Variants in AKAP6 observed in about 807,000 individuals in gnomAD.
AKAP6 encodes the protein A-kinase anchor protein 6.
A neutral mutation model predicts 188.5 loss-of-function variants in AKAP6; 58 were observed. That is an observed-to-expected ratio of 0.31 (90% confidence interval 0.25 to 0.38). The LOEUF (loss-of-function observed/expected upper bound fraction) is 0.38, where lower values mean the gene tolerates loss of function less well. Among genes scored for constraint, AKAP6 ranks in the 10% least tolerant of loss-of-function variants. The probability of loss-of-function intolerance (pLI) is 1.00; values close to 1 mark genes in which losing one functional copy is unlikely to be tolerated. For missense variants in AKAP6, 2,710 were observed against 2,740.0 expected, an observed-to-expected ratio of 0.99 and a Z score of 0.24; for synonymous variants, 989 against 998.6, an observed-to-expected ratio of 0.99 and a Z score of 0.18.
At chr14:32,738,881 A>G (rs2031553227) in intron 11 of AKAP6, among the ~76,000 whole-genome samples, 1 of 152,194 alleles carries the variant, frequency 6.6e-6, no homozygotes. Flanking sequence ...ATCTAAATGA[A>G]TAAGTATGGC....
chr14:32,335,594 C>T (rs987610305), intron 1 of AKAP6, among the ~76,000 whole-genome samples: 4 of 152,156 alleles, frequency 2.6e-5, no homozygotes, highest in African/African-American at 9.7e-5. Context: ...GGATATATTA[C>T]ATTATACTTG....
At chr14:32,596,119 G>A (rs1280342617) in intron 5 of AKAP6, among the ~76,000 whole-genome samples, 2 of 152,116 alleles carry the variant, frequency 1.3e-5, no homozygotes, top group East Asian at 1.9e-4. Context: ...GTCTGTGTTC[G>A]TGATTTGATA....
chr14:32,744,698 C>T (rs1256056862), intron 11 of AKAP6, among the ~76,000 whole-genome samples: 1 of 152,130 alleles, frequency 6.6e-6, no homozygotes, highest in Non-Finnish European at 1.5e-5. Flanking sequence ...TTTGAATGAA[C>T]TTTCTATTCC....
At chr14:32,678,487 A>G in intron 8 of AKAP6, 28 bp downstream of exon 8, 1 of 1,610,980 alleles carries the variant, frequency 6.2e-7, no homozygotes, top group Non-Finnish European at 8.5e-7. Context: ...TTGTTGTTTT[A>G]TTCTCACTAA....
intron 1 of AKAP6, among the ~76,000 whole-genome samples, chr14:32,352,020 A>G (rs1887289352): frequency 6.6e-6 from 1 of 151,810 alleles, no homozygotes. Context: ...TGTAGAAGCT[A>G]TAGAGAGTTT....
chr14:32,637,307 A>G (rs1264433388), intron 7 of AKAP6, among the ~76,000 whole-genome samples: 1 of 152,118 alleles, frequency 6.6e-6, no homozygotes, highest in Non-Finnish European at 1.5e-5. Flanking sequence ...AGTGAATAGC[A>G]TTATATTCTG....
At chr14:32,715,906 C>T (rs560922953) in intron 9 of AKAP6, among the ~76,000 whole-genome samples, 10 of 151,808 alleles carry the variant, frequency 6.6e-5, no homozygotes, top group African/African-American at 1.9e-4. Flanking sequence ...TCTTAGCATG[C>T]AACTCTGCAT....
rs1950211 is a variant in AKAP6 at position 32,803,088 on chromosome 14, T to C, written c.3589-18314T>C. ...CTGGGCAACAGAGTGAGTCTCTGTCTTAAAAAAGATTTTTTAGATCTGTCT... is the reference window on the plus strand; with the variant it reads ...CTGGGCAACAGAGTGAGTCTCTGTCCTAAAAAAGATTTTTTAGATCTGTCT... On this transcript the variant is annotated intron_variant, in intron 12 of 13. Coordinates refer to ENST00000280979, the MANE Select transcript of AKAP6 (RefSeq NM_004274.5). 4.9e-3 allele frequency among the ~76,000 whole-genome samples: 751 copies of C among 152,222 alleles called. 2 individuals are homozygous for C. The highest frequency in any genetic ancestry group is 0.017 in the Middle Eastern group (5 of 294).
chr14:32,786,298 CTTTTTTTTTT>C (rs1162974012), intron 12 of AKAP6, among the ~76,000 whole-genome samples: 6 of 82,560 alleles, frequency 7.3e-5, no homozygotes, highest in East Asian at 4.6e-4. Flanking sequence ...AAACCTTTAT[CTTTTTTTTTT>C]TTTTTTTTTT....
At chr14:32,393,579 GT>G (rs1407009971) in intron 1 of AKAP6, among the ~76,000 whole-genome samples, 3 of 152,138 alleles carry the variant, frequency 2.0e-5, no homozygotes, top group African/African-American at 7.2e-5. Context: ...GACAAGTACT[GT>G]GGTTGTATAA....
intron 13 of AKAP6, 96 bp from the exon 14 acceptor site, chr14:32,829,752 C>A: frequency 1.7e-6 from 1 of 574,738 alleles, no homozygotes; most frequent in East Asian, 2.9e-5. Flanking sequence ...AGTAGTCCCA[C>A]AATTGCAGCC....
At chr14:32,647,560 G>A (rs1888035676) in intron 7 of AKAP6, among the ~76,000 whole-genome samples, 1 of 152,036 alleles carries the variant, frequency 6.6e-6, no homozygotes, top group South Asian at 2.1e-4. Context: ...CAGCTTTTAA[G>A]TGCAGCTGTC....
intron 1 of AKAP6, among the ~76,000 whole-genome samples, chr14:32,422,599 C>T (rs1889887907): frequency 6.6e-6 from 1 of 152,178 alleles, no homozygotes; most frequent in South Asian, 2.1e-4. Context: ...ATTACATAGG[C>T]ATGATTGATT....
chr14:32,629,881 A>G (rs1887189411), intron 7 of AKAP6, among the ~76,000 whole-genome samples: 1 of 151,658 alleles, frequency 6.6e-6, no homozygotes. Flanking sequence ...GGCCTGGGCA[A>G]CAAGCAAGAC....
chr14:32,497,760 ATTT>A (rs1320907835), intron 2 of AKAP6, among the ~76,000 whole-genome samples: 1 of 151,840 alleles, frequency 6.6e-6, no homozygotes, highest in African/African-American at 2.4e-5. Context: ...AAAATTGTGA[ATTT>A]GTCTGTTTCT....
At chr14:32,516,580 C>A (rs968878798) in intron 2 of AKAP6, among the ~76,000 whole-genome samples, 3 of 152,112 alleles carry the variant, frequency 2.0e-5, no homozygotes, top group Admixed American at 2.0e-4. Context: ...TATTCTGAAA[C>A]TATCGTATAT....
At chr14:32,479,353 A>T (rs1272164577) in intron 2 of AKAP6, among the ~76,000 whole-genome samples, 1 of 152,180 alleles carries the variant, frequency 6.6e-6, no homozygotes, top group Non-Finnish European at 1.5e-5. Flanking sequence ...ATTCTTATAA[A>T]AATGAGAAGA....
chr14:32,730,725 T>G (rs768398664), intron 9 of AKAP6, among the ~76,000 whole-genome samples: 4 of 152,156 alleles, frequency 2.6e-5, no homozygotes, highest in Non-Finnish European at 5.9e-5. Flanking sequence ...CCCCCAATAT[T>G]ATGTGGAAAT....
chr14:32,796,326 CCTAAGCAAAGGGAACAAAG>C (rs1329264345), intron 12 of AKAP6, among the ~76,000 whole-genome samples: 18 of 152,266 alleles, frequency 1.2e-4, no homozygotes, highest in African/African-American at 4.3e-4. Context: ...CCAAGACAAT[CCTAAGCAAAGGGAACAAAG>C]CTGGGGGCAT....
Sources: gnomAD v4.1 joint callset for allele counts (sites outside exome capture counted in the v4.1 genomes callset) on GRCh38, gnomAD v4.1.1 for gene constraint, MANE v1.5 for transcripts, NCBI Gene and HGNC (gene_info 2026-07-23, HGNC 2026-07-21) for gene names.